SERPINB5: variants seen among roughly 807,000 people sequenced by gnomAD.
The protein encoded by SERPINB5 is serpin family B member 5.
A neutral mutation model predicts 32.2 loss-of-function variants in SERPINB5; 27 were observed. The ratio of observed to expected loss-of-function variants is 0.84; its 90% confidence interval spans 0.62 to 1.16. The LOEUF is 1.16. SERPINB5 is among the 50% of genes most tolerant of loss of function. The pLI, the probability that SERPINB5 is intolerant of heterozygous loss-of-function variation, is 0.00. For missense variants in SERPINB5, 388 were observed against 436.3 expected (o/e 0.89, Z 0.99); for synonymous variants, 154 against 157.4 (o/e 0.98, Z 0.16).
Position 63,484,393 on chromosome 18 carries a change from A to G in SERPINB5, c.-7-29A>G, listed in dbSNP as rs749940817. On this transcript the variant is annotated intron_variant, in intron 1 of 6. Coordinates refer to ENST00000382771, the MANE Select transcript of SERPINB5 (RefSeq NM_002639.5). The stretch of plus-strand genomic sequence containing the variant: ...AGAAGACGTTAAAGATGCTTTAGAA[A>G]CTAACTGCTCCCTTGTCCTTGCTTC... The G allele has an allele frequency of 3.8e-6, 6 of 1,585,100 alleles. No homozygotes were observed. The African/African-American group carries it at 8.1e-5, about 22-fold the overall frequency.
chr18:63,483,421 G>A (rs1456013946), intron 1 of SERPINB5, among the ~76,000 whole-genome samples: 2 of 152,220 alleles, frequency 1.3e-5, no homozygotes, highest in Non-Finnish European at 2.9e-5. Flanking sequence ...GTATTGTTAT[G>A]TGCTGGGTGT....
intron 2 of SERPINB5, chr18:63,486,161 C>G (rs1205200815): frequency 6.6e-6 from 1 of 152,128 alleles, no homozygotes; most frequent in African/African-American, 2.4e-5. Context: ...TCATTAACAA[C>G]TCAGGAAAGC....
Position 63,487,075 on chromosome 18 carries a change from C to G in SERPINB5, c.298C>G (p.Leu100Val), listed in dbSNP as rs1488621516. Reference sequence around the variant, plus strand: ...GCTCTACGTAGACAAATCTCTGAATCTTTCTACAGTAAGTTGTTTAAAGCA... The same window carrying G: ...GCTCTACGTAGACAAATCTCTGAATGTTTCTACAGTAAGTTGTTTAAAGCA... ...KRLYVDKSLN[L>V]STEFISSTKR... The change falls in exon 3 of 7, where the codon CTT becomes GTT. Residue 100 changes from leucine (L) to valine (V), a missense_variant. By Grantham distance (32) the Leu-to-Val change is conservative. Transcript: ENST00000382771. 3.1e-6 allele frequency: 5 copies of G among 1,613,270 alleles called. No homozygotes were observed. The highest frequency in any genetic ancestry group is 4.2e-6 in the Non-Finnish European group (5 of 1,179,712).
intron 4 of SERPINB5, among the ~76,000 whole-genome samples, chr18:63,491,231 G>A (rs925510229): frequency 1.3e-5 from 2 of 151,614 alleles, no homozygotes; most frequent in Non-Finnish European, 2.9e-5. Context: ...GTGAAACCCC[G>A]TCTCTACTAA....
chr18:63,478,758 G>GTTTTTTTTTTTTTTTT (rs10669993), intron 1 of SERPINB5, among the ~76,000 whole-genome samples: 6 of 135,382 alleles, frequency 4.4e-5, no homozygotes, highest in Non-Finnish European at 6.2e-5. Flanking sequence ...TAAAAACGTA[G>GTTTTTTTTTTTTTTTT]TTTTTTTTTT....
chr18:63,480,835 A>G (rs1319699479), intron 1 of SERPINB5, among the ~76,000 whole-genome samples: 2 of 152,224 alleles, frequency 1.3e-5, no homozygotes, highest in African/African-American at 4.8e-5. Flanking sequence ...CCATGTACAG[A>G]CCTTTTCTGT....
intron 5 of SERPINB5, chr18:63,496,854 T>G: frequency 3.9e-6 from 1 of 253,580 alleles, no homozygotes; most frequent in Non-Finnish European, 7.9e-6. Flanking sequence ...GGAGGCCAGG[T>G]GTTAATAGGA....
chr18:63,486,438 A>T (rs570406463), intron 2 of SERPINB5, among the ~76,000 whole-genome samples: 32 of 152,300 alleles, frequency 2.1e-4, no homozygotes, highest in African/African-American at 7.5e-4. Flanking sequence ...CTGCCTGATG[A>T]TGGTGTCTCT....
intron 1 of SERPINB5, among the ~76,000 whole-genome samples, chr18:63,480,080 C>A (rs7232067): frequency 1.3e-5 from 2 of 151,878 alleles, no homozygotes; most frequent in Non-Finnish European, 2.9e-5. Flanking sequence ...TCACTCCCTG[C>A]GTGGGTGGCC....
chr18:63,494,124 C>T (rs1468635726), intron 5 of SERPINB5, among the ~76,000 whole-genome samples: 2 of 151,844 alleles, frequency 1.3e-5, no homozygotes, highest in African/African-American at 2.4e-5. Flanking sequence ...GAGTTTGAGA[C>T]CAGCCTGACC....
At chr18:63,481,362 C>T (rs947018554) in intron 1 of SERPINB5, among the ~76,000 whole-genome samples, 2 of 152,258 alleles carry the variant, frequency 1.3e-5, no homozygotes, top group African/African-American at 2.4e-5. Flanking sequence ...AGATCTTAAA[C>T]ACCATCTTTC....
rs772090015 is a variant in SERPINB5 at position 63,492,956 on chromosome 18, A to G, written c.428A>G (p.His143Arg). 2 of 1,607,130 alleles carry G rather than the reference A, an allele frequency of 1.2e-6. No homozygotes were observed. The highest frequency in any genetic ancestry group is 1.7e-5 in the Admixed American group (1 of 59,274). The part of the protein sequence containing the change: ...NNSIKDLTDG[H>R]FENILADNSV... ...TGTTTTCCTAAAATTGTTGCAGGCC[A>G]CTTTGAGAACATTTTAGCTGACAAC... The change falls in exon 5 of 7, where the codon CAC (histidine) becomes CGC (arginine). Residue 143 changes from histidine (H) to arginine (R), a missense_variant. Coordinates refer to ENST00000382771, the MANE Select transcript of SERPINB5 (RefSeq NM_002639.5).
chr18:63,493,349 G>C, intron 5 of SERPINB5: 1 of 569,668 alleles, frequency 1.8e-6, no homozygotes, highest in Admixed American at 3.2e-5. Flanking sequence ...AACCCAGCGA[G>C]GAAAGCTAAG....
chr18:63,495,563 C>G (rs775903844), intron 5 of SERPINB5, among the ~76,000 whole-genome samples: 2 of 152,236 alleles, frequency 1.3e-5, no homozygotes, highest in Non-Finnish European at 2.9e-5. Flanking sequence ...CTGGAAGGAA[C>G]ACCATGAAAA....
At chr18:63,501,313 G>A (rs1490849056) in intron 6 of SERPINB5, among the ~76,000 whole-genome samples, 1 of 151,336 alleles carries the variant, frequency 6.6e-6, no homozygotes, top group East Asian at 2.0e-4. Context: ...TTGTCCTTGT[G>A]ATAGTTTGCT....
At chr18:63,497,211 A>G in intron 5 of SERPINB5, 1 of 713,044 alleles carries the variant, frequency 1.4e-6, no homozygotes, top group Non-Finnish European at 2.6e-6. Flanking sequence ...GTGCTGAGGC[A>G]GACACAGTTG....
At position 63,484,603 on chromosome 18, in the gene SERPINB5, C is replaced by T. The variant is rs1240512745; in HGVS notation, c.168+7C>T. ...TGCAAATGAAATTGGACAGGTAAGC[C>T]CCAAAACCTTGTTTCTACTTTAAGT... On this transcript the variant is annotated splice_region_variant and intron_variant, in intron 2 of 6. Transcript: ENST00000382771. 6.2e-7 allele frequency: 1 copy of T among 1,608,682 alleles called. No individual in the cohort carries two copies. Among genetic ancestry groups the T allele is most frequent in the South Asian group, 1.1e-5 (1 of 90,012 alleles).
In SERPINB5 at chr18:63,485,058, G is replaced by C. The variant is rs190445795; in HGVS notation, c.168+462G>C. 1.1e-3 allele frequency among the ~76,000 whole-genome samples: 170 copies of C among 152,236 alleles called. 2 individuals are homozygous for C. The highest frequency in any genetic ancestry group is 0.01 in the Middle Eastern group (3 of 294). On this transcript the variant is annotated intron_variant, in intron 2 of 6. Coordinates refer to ENST00000382771, the MANE Select transcript of SERPINB5 (RefSeq NM_002639.5). The stretch of plus-strand genomic sequence containing the variant: ...TTTAAATGTGAAAGCTCGCTTGTAG[G>C]TAATGCAACTCACATCTGGGACAGG...
chr18:63,479,442 TGC>T (rs1917090892), intron 1 of SERPINB5, among the ~76,000 whole-genome samples: 1 of 152,190 alleles, frequency 6.6e-6, no homozygotes, highest in Non-Finnish European at 1.5e-5. Context: ...GCCCAGTACA[TGC>T]GTCTCCATTC....
Sources: gnomAD v4.1 joint callset for allele counts (sites outside exome capture counted in the v4.1 genomes callset) on GRCh38, gnomAD v4.1.1 for gene constraint, MANE v1.5 for transcripts, NCBI Gene and HGNC (gene_info 2026-07-23, HGNC 2026-07-21) for gene names.